Variants in TRERF1 observed in about 807,000 individuals in gnomAD.
TRERF1 encodes transcriptional regulating factor 1.
A neutral mutation model predicts 122.9 loss-of-function variants in TRERF1; 27 were observed. The ratio of observed to expected loss-of-function variants is 0.22; its 90% CI spans 0.16 to 0.30. TRERF1 has a LOEUF of 0.30. TRERF1 is among the 10% of genes least tolerant of loss of function. The pLI is 1.00. For missense variants in TRERF1, 1,248 were observed against 1,560.3 expected, an observed-to-expected ratio of 0.80 and a Z score of 3.37; for synonymous variants, 636 against 641.7, an observed-to-expected ratio of 0.99 and a Z score of 0.13.
intron 3 of TRERF1, among the ~76,000 whole-genome samples, chr6:42,323,210 T>C (rs1396512841): frequency 6.9e-6 from 1 of 145,816 alleles, no homozygotes; most frequent in East Asian, 2.0e-4. Flanking sequence ...TTTTTTTTTT[T>C]CCTTTTGAGA....
rs1554193491 is a variant in TRERF1 at position 42,374,150 on chromosome 6, A to AAG, written c.-453-11072_-453-11071insCT. Among the ~76,000 whole-genome samples the AAG allele has an allele frequency of 2.8e-3, 405 of 143,978 alleles. 3 individuals are homozygous for AAG. Among genetic ancestry groups the AAG allele is most frequent in the Middle Eastern group, 0.018 (5 of 284 alleles). 94.5% of individuals were successfully genotyped at this position (143,978 alleles called of 152,430 possible). A position where few individuals can be genotyped will look rare whatever the true frequency, so the allele number is the denominator to read the frequency against. On this transcript the variant is annotated intron_variant, in intron 2 of 17. Coordinates refer to ENST00000372922, the Ensembl canonical transcript of TRERF1. ...CTGTCTTTTTTTTAAAAAAAAAAAA[A>AAG]AAGAAGAAGAAGAAGAAGAAGAAGA... is the stretch of plus-strand genomic sequence containing the variant.
chr6:42,373,302 G>A (rs192382686), intron 2 of TRERF1, among the ~76,000 whole-genome samples: 93 of 152,292 alleles, frequency 6.1e-4, no homozygotes, highest in African/African-American at 2.2e-3. Flanking sequence ...GGAGGCCCAG[G>A]TGGGTGGATC....
rs1764707748 is a variant in TRERF1 at position 42,328,525 on chromosome 6, G to T, written c.-370-27776C>A. Reference sequence around the variant, plus strand: ...CCTCCACCCTCAAGCAGGCCCCAGTGTCTGTTGTTCCTCTCTTTGTGTCCA... The same window carrying T: ...CCTCCACCCTCAAGCAGGCCCCAGTTTCTGTTGTTCCTCTCTTTGTGTCCA... On this transcript the variant is annotated intron_variant, in intron 3 of 17. Transcript: ENST00000372922. 2.0e-5 allele frequency among the ~76,000 whole-genome samples: 3 copies of T among 152,050 alleles called. No homozygotes were observed. The South Asian group carries it at 6.2e-4, about 32-fold the overall frequency.
chr6:42,396,159 A>C (rs1206262697), intron 2 of TRERF1, among the ~76,000 whole-genome samples: 3 of 152,192 alleles, frequency 2.0e-5, no homozygotes, highest in Non-Finnish European at 4.4e-5. Context: ...GAAAATCAGA[A>C]AGGGTCAGAA....
intron 2 of TRERF1, among the ~76,000 whole-genome samples, chr6:42,431,009 G>C (rs1190689024): frequency 6.9e-6 from 1 of 144,022 alleles, no homozygotes; most frequent in Non-Finnish European, 1.5e-5. Context: ...GCTATGAGCT[G>C]AGATTGTGCC....
chr6:42,311,860 C>A (rs1283684651), intron 3 of TRERF1, among the ~76,000 whole-genome samples: 1 of 149,736 alleles, frequency 6.7e-6, no homozygotes, highest in Non-Finnish European at 1.5e-5. Context: ...GAACAAACTA[C>A]AAGAGGACAA....
At chr6:42,307,315 G>A (rs1787436084) in intron 3 of TRERF1, among the ~76,000 whole-genome samples, 1 of 152,078 alleles carries the variant, frequency 6.6e-6, no homozygotes, top group African/African-American at 2.4e-5. Context: ...ACACTCCTCT[G>A]TCCCTTTATT....
At chr6:42,412,392 G>C (rs1781247564) in intron 2 of TRERF1, among the ~76,000 whole-genome samples, 1 of 152,196 alleles carries the variant, frequency 6.6e-6, no homozygotes. Context: ...TGAAAGTACA[G>C]TCTTAACAGC....
intron 3 of TRERF1, among the ~76,000 whole-genome samples, chr6:42,329,489 T>C (rs1764863107): frequency 6.6e-6 from 1 of 152,128 alleles, no homozygotes; most frequent in East Asian, 1.9e-4. Context: ...ACCCTCCAGC[T>C]GCCACCGTGC....
intron 2 of TRERF1, among the ~76,000 whole-genome samples, chr6:42,402,866 G>T (rs948841155): frequency 6.6e-6 from 1 of 152,090 alleles, no homozygotes; most frequent in South Asian, 2.1e-4. Flanking sequence ...GAAAACTGAC[G>T]CTAGGAGAGG....
intron 2 of TRERF1, among the ~76,000 whole-genome samples, chr6:42,444,460 C>T (rs1453821631): frequency 2.6e-5 from 4 of 152,250 alleles, no homozygotes; most frequent in African/African-American, 9.6e-5. Context: ...TGGCTGGTAT[C>T]AAGTCCTAAG....
At chr6:42,337,789 G>A (rs1163029116) in intron 3 of TRERF1, among the ~76,000 whole-genome samples, 1 of 152,186 alleles carries the variant, frequency 6.6e-6, no homozygotes, top group Non-Finnish European at 1.5e-5. Context: ...CTTGGCATAT[G>A]AAAACCTCCC....
chr6:42,313,093 A>C (rs954022806), intron 3 of TRERF1, among the ~76,000 whole-genome samples: 1 of 152,130 alleles, frequency 6.6e-6, no homozygotes, highest in Admixed American at 6.5e-5. Flanking sequence ...GGCTGTGTAG[A>C]GAGGGGAACC....
At chr6:42,386,827 G>T (rs951785155) in intron 2 of TRERF1, among the ~76,000 whole-genome samples, 18 of 152,300 alleles carry the variant, frequency 1.2e-4, no homozygotes, top group Admixed American at 1.1e-3. Flanking sequence ...AGGATGAGAT[G>T]CGCAGCAACT....
chr6:42,357,357 A>G (rs559420106), intron 3 of TRERF1, among the ~76,000 whole-genome samples: 168 of 148,472 alleles, frequency 1.1e-3, no homozygotes, highest in African/African-American at 4.0e-3. Context: ...AAAAAAATCC[A>G]GTGTCTGCTA....
chr6:42,359,982 A>C (rs921614317), intron 3 of TRERF1, among the ~76,000 whole-genome samples: 1 of 152,258 alleles, frequency 6.6e-6, no homozygotes, highest in African/African-American at 2.4e-5. Flanking sequence ...AAGAATCCAT[A>C]AACACTAAAT....
intron 2 of TRERF1, among the ~76,000 whole-genome samples, chr6:42,434,668 C>CCACACAGACAGA (rs1554218672): frequency 8.7e-6 from 1 of 114,896 alleles, no homozygotes; most frequent in African/African-American, 2.9e-5. Flanking sequence ...ACACCCTCCA[C>CCACACAGACAGA]CACACACACA....
intron 4 of TRERF1, among the ~76,000 whole-genome samples, chr6:42,282,987 C>T (rs1433920925): frequency 6.6e-6 from 1 of 152,172 alleles, no homozygotes; most frequent in Non-Finnish European, 1.5e-5. Flanking sequence ...AACAGTACTA[C>T]AACTAATGCC....
chr6:42,280,759 G>C, intron 4 of TRERF1, among the ~76,000 whole-genome samples: 1 of 152,184 alleles, frequency 6.6e-6, no homozygotes. Context: ...AGGAAGGAGT[G>C]AGGGAGGAGG....
Sources: allele counts gnomAD v4.1 joint callset (sites outside exome capture counted in the v4.1 genomes callset), GRCh38; gene constraint gnomAD v4.1.1; transcripts MANE v1.5; gene names NCBI Gene and HGNC (gene_info 2026-07-23, HGNC 2026-07-21).